EVPL: variants seen among roughly 807,000 people sequenced by gnomAD.
The protein encoded by EVPL is 210 kDa cornified envelope precursor protein.
In EVPL, 94 loss-of-function variants were observed where a neutral mutation model predicts 129.7. That is an observed-to-expected ratio of 0.72 (90% CI 0.61 to 0.86). The LOEUF (loss-of-function observed/expected upper bound fraction) is 0.86, where lower values mean the gene tolerates loss of function less well. Among genes scored for constraint, EVPL ranks in the 40% least tolerant of loss-of-function variants. EVPL has a pLI of 0.00. For synonymous variants in EVPL, 1,172 were observed against 1,191.1 expected, an observed-to-expected ratio of 0.98 and a Z score of 0.33; for missense variants, 2,625 against 2,721.1, an observed-to-expected ratio of 0.96 and a Z score of 0.79.
At position 76,015,244 on chromosome 17, in the gene EVPL, T is replaced by C; in HGVS notation, c.2011A>G (p.Arg671Gly). The change falls in exon 16 of 22, where the codon AGG (arginine) becomes GGG (glycine). Residue 671 changes from arginine (R) to glycine (G), a missense_variant. Coordinates refer to ENST00000301607, the MANE Select transcript of EVPL (RefSeq NM_001988.4). ...IPAEPGALQE[R>G]VSELQRQRRE... ...TCCCTTACCTGCAGCTCGCTGACCC[T>C]CTCCTGCAGAGCCCCCGGTTCAGCA... 6.3e-7 allele frequency: 1 copy of C among 1,597,822 alleles called. No individual in the cohort carries two copies. Among genetic ancestry groups the C allele is most frequent in the Admixed American group, 1.7e-5 (1 of 59,160 alleles).
At position 76,008,228 on chromosome 17, in the gene EVPL, G is replaced by T. The variant is rs1377576600; in HGVS notation, c.4977C>A (p.Leu1659=). ...GGCTCACCTTGGCGTGGAGGTCCCG[G>T]AGCGTCCGCTCCTTCTCGTAGATCT... is the stretch of plus-strand genomic sequence containing the variant. ...KDQIYEKERT[L]RDLHAKVSRE... Residue 1659 remains leucine (L), a synonymous_variant, in exon 22 of 22, where the codon CTC becomes CTA. Coordinates refer to ENST00000301607, the MANE Select transcript of EVPL (RefSeq NM_001988.4). The surrounding 1 kb of genome is among the most constrained non-coding windows in gnomAD (Gnocchi z 7.4). 1.9e-6 allele frequency: 3 copies of T among 1,613,856 alleles called. No homozygotes were observed. Among genetic ancestry groups the T allele is most frequent in the East Asian group, 2.2e-5 (1 of 44,898 alleles).
At chr17:76,027,055 AC>A (rs1436635224) in intron 1 of EVPL, 45 bp downstream of exon 1, 12 of 1,161,722 alleles carry the variant, frequency 1.0e-5, no homozygotes, top group Admixed American at 3.0e-5. Flanking sequence ...GCCTGGCACC[AC>A]CCCCACCCCA....
rs138670795 is a variant in EVPL, at chr17:76,007,795, G to A, written c.5410C>T (p.Pro1804Ser). Reference sequence around the variant, plus strand: ...AAGAAACTGGTGCTCTGGGGGGCCGGGGAGGCGAGCGGGGACTTGGAGATG... The same window carrying A: ...AAGAAACTGGTGCTCTGGGGGGCCGAGGAGGCGAGCGGGGACTTGGAGATG... ...SIISKSPLAS[P>S]APQSTSFFSP... is the part of the protein sequence containing the mutation. The change falls in exon 22 of 22, where the codon CCG becomes TCG. Residue 1804 changes from proline (P) to serine (S), a missense_variant. Transcript: ENST00000301607. This position sits in a 1 kb window ranked among gnomAD's most constrained non-coding sequence, Gnocchi z 8.8. 1.2e-6 allele frequency: 2 copies of A among 1,611,748 alleles called. No individual in the cohort carries two copies. Among genetic ancestry groups the A allele is most frequent in the Admixed American group, 3.3e-5 (2 of 59,956 alleles).
rs781063156 is a variant in EVPL at position 76,023,368 on chromosome 17, G to T, written c.404C>A (p.Ala135Asp). Residue 135 changes from alanine (A) to aspartate (D), a missense_variant, in exon 4 of 22, where the codon GCC becomes GAC. This residue lies in a region of EVPL where 139 missense variants were observed against 186.8 expected (regional missense o/e 0.74). Coordinates refer to ENST00000301607, the MANE Select transcript of EVPL (RefSeq NM_001988.4). ...GGGCAGCACCATCTTCTCGTACAGG[G>T]CACGGTACTCCGCACACTCCTGGGT... ...RVTQECAEYR[A>D]LYEKMVLPPD... The T allele has an allele frequency of 3.1e-6, 5 of 1,613,906 alleles. No individual in the cohort carries two copies. Among genetic ancestry groups the T allele is most frequent in the Non-Finnish European group, 4.2e-6 (5 of 1,180,018 alleles).
rs773557711 is a variant in EVPL at position 76,022,667 on chromosome 17, G to A, written c.481-129C>T. The A allele has an allele frequency of 3.9e-6, 5 of 1,288,046 alleles. No homozygotes were observed. Among genetic ancestry groups the A allele is most frequent in the East Asian group, 2.5e-5 (1 of 39,340 alleles). 79.8% of individuals were successfully genotyped at this position (1,288,046 alleles called of 1,614,324 possible). ...GCGTGGACGAGCCTGGGAGCAGCCC[G>A]GGTGCATGCCCTGCAGCTCCCCCAG... On this transcript the variant is annotated intron_variant, in intron 4 of 21. Coordinates refer to ENST00000301607, the MANE Select transcript of EVPL (RefSeq NM_001988.4). This position sits in a 1 kb window ranked among gnomAD's most constrained non-coding sequence, Gnocchi z 5.6.
At chr17:76,012,742 C>CTTTTTTTT (rs56349197) in intron 18 of EVPL, among the ~76,000 whole-genome samples, 3 of 117,536 alleles carry the variant, frequency 2.6e-5, no homozygotes, top group African/African-American at 6.5e-5. Context: ...TCTTTCTTTT[C>CTTTTTTTT]TTTTTTTTTT....
At position 76,010,418 on chromosome 17, in the gene EVPL, G is replaced by C. The variant is rs960264790; in HGVS notation, c.2787C>G (p.Ala929=). 6.2e-7 allele frequency: 1 copy of C among 1,613,882 alleles called. No individual in the cohort carries two copies. Among genetic ancestry groups the C allele is most frequent in the Admixed American group, 1.7e-5 (1 of 60,004 alleles). The change falls in exon 22 of 22, where the codon GCC becomes GCG. Residue 929 remains alanine, a synonymous_variant. Coordinates refer to ENST00000301607, the MANE Select transcript of EVPL (RefSeq NM_001988.4). ...GCGCCTCCAGCTCATGCTGCACCCG[G>C]GCCACCCGCTTCCTCTCCTCTTCCA... ...AQLEEERKRV[A]RVQHELEAQR... is the part of the protein sequence containing the mutation.
Position 76,008,528 on chromosome 17 carries a change from G to A in EVPL, c.4677C>T (p.Arg1559=). The change falls in exon 22 of 22, where the codon CGC becomes CGT. Residue 1559 remains arginine, a synonymous_variant. Transcript: ENST00000301607. This position sits in a 1 kb window ranked among gnomAD's most constrained non-coding sequence, Gnocchi z 7.4. ...ARQAREEEAR[R]LRERIDRAET... ...CGGCCCGGTCAATGCGCTCCCGCAG[G>A]CGCCGTGCCTCCTCCTCCCGGGCCT... 1 of 1,606,720 alleles carries A rather than the reference G, an allele frequency of 6.2e-7. No individual in the cohort carries two copies. Among genetic ancestry groups the A allele is most frequent in the African/African-American group, 1.3e-5 (1 of 75,020 alleles).
Position 76,009,877 on chromosome 17 carries a change from C to T in EVPL, c.3328G>A (p.Glu1110Lys). 1.2e-6 allele frequency: 2 copies of T among 1,614,148 alleles called. No individual in the cohort carries two copies. The highest frequency in any genetic ancestry group is 2.2e-5 in the East Asian group (1 of 44,878). Residue 1110 changes from glutamate to lysine, a missense_variant, in exon 22 of 22, where the codon GAG (glutamate) becomes AAG (lysine). By Grantham distance (56) the Glu-to-Lys change is moderately conservative. This residue lies in a region of EVPL where 1,453 missense variants were observed against 1,511.8 expected (regional missense o/e 0.96). Transcript: ENST00000301607. The surrounding 1 kb of genome is among the most constrained non-coding windows in gnomAD (Gnocchi z 5.9). ...EEDAARRKQA[E>K]EAVAKLQARI... Reference sequence around the variant, plus strand: ...GCCTGTAGCTTGGCCACAGCCTCCTCCGCCTGCTTCCTCCGCGCAGCATCC... The same window carrying T: ...GCCTGTAGCTTGGCCACAGCCTCCTTCGCCTGCTTCCTCCGCGCAGCATCC...
chr17:76,014,982 C>T lies in EVPL; in HGVS notation c.2156G>A (p.Arg719His), dbSNP rs138500351. 17 of 1,596,682 alleles carry T rather than the reference C, an allele frequency of 1.1e-5. No individual in the cohort carries two copies. The highest frequency in any genetic ancestry group is 4.5e-5 in the East Asian group (2 of 44,678). Residue 719 changes from arginine (R) to histidine (H), a missense_variant, in exon 17 of 22, where the codon CGC (arginine) becomes CAC (histidine). By Grantham distance (29) the Arg-to-His change is conservative. Transcript: ENST00000301607. ...GAGGGCTCGCACCTGGCGCTGCTGG[C>T]GAGGCAGGTCTTGGCAGAACTCCTG... ...NFQEFCQDLP[R>H]QQRQVRALTD...
In EVPL at chr17:76,008,900, C is replaced by T; in HGVS notation, c.4305G>A (p.Val1435=). The T allele has an allele frequency of 6.2e-7, 1 of 1,613,750 alleles. No individual in the cohort carries two copies. Among genetic ancestry groups the T allele is most frequent in the Non-Finnish European group, 8.5e-7 (1 of 1,180,030 alleles). The change falls in exon 22 of 22, where the codon GTG becomes GTA. Residue 1435 remains valine, a synonymous_variant. Coordinates refer to ENST00000301607, the MANE Select transcript of EVPL (RefSeq NM_001988.4). The surrounding 1 kb of genome is among the most constrained non-coding windows in gnomAD (Gnocchi z 7.4). ...AGGTCAGCTGCCGCAGCTCCCTCTC[C>T]ACGGCCAGCTTCTTGCTGCGGTCCT... ...FQEDRSKKLA[V]ERELRQLTLR...
intron 13 of EVPL, 73 bp downstream of exon 13, chr17:76,018,088 C>T: frequency 1.3e-6 from 2 of 1,544,218 alleles, no homozygotes; most frequent in Non-Finnish European, 1.7e-6. Flanking sequence ...CCCTGCCCAT[C>T]ACAGACCAGT....
At position 76,019,627 on chromosome 17, in the gene EVPL, G is replaced by T; in HGVS notation, c.1038C>A (p.Ser346Arg). The stretch of plus-strand genomic sequence containing the variant: ...TGGAGTTGAGCTTCGCCAGGGTCTG[G>T]CTGACTGAGTCGGCCTCTTCCTGGA... ...RRFQEEADSV[S>R]QTLAKLNSNL... Residue 346 changes from serine (S) to arginine (R), a missense_variant, in exon 10 of 22, where the codon AGC (serine) becomes AGA (arginine). Around this residue, in one of 4 missense-constraint regions of EVPL, gnomAD observed 1,024 missense variants for 997.5 expected, o/e 1.03. Transcript: ENST00000301607. 7 of 1,610,672 alleles carry T rather than the reference G, an allele frequency of 4.3e-6. No homozygotes were observed. Among genetic ancestry groups the T allele is most frequent in the Non-Finnish European group, 5.9e-6 (7 of 1,178,492 alleles).
chr17:76,022,642 G>C lies in EVPL; in HGVS notation c.481-104C>G. On this transcript the variant is annotated intron_variant, in intron 4 of 21. Coordinates refer to ENST00000301607, the MANE Select transcript of EVPL (RefSeq NM_001988.4). The surrounding 1 kb of genome is among the most constrained non-coding windows in gnomAD (Gnocchi z 5.6). Reference sequence around the variant, plus strand: ...AAGTGGACTTGGTCATTTGGGCAGAGCGTGGACGAGCCTGGGAGCAGCCCG... The same window carrying C: ...AAGTGGACTTGGTCATTTGGGCAGACCGTGGACGAGCCTGGGAGCAGCCCG... 6.9e-7 allele frequency: 1 copy of C among 1,446,598 alleles called. No homozygotes were observed. The highest frequency in any genetic ancestry group is 9.2e-7 in the Non-Finnish European group (1 of 1,089,378). 89.6% of individuals were successfully genotyped at this position (1,446,598 alleles called of 1,614,324 possible). A position where few individuals can be genotyped will look rare whatever the true frequency, so the allele number is the denominator to read the frequency against.
At chr17:76,014,801 GAGGAAAC>G in intron 17 of EVPL, 108 bp downstream of exon 17, 1 of 1,211,534 alleles carries the variant, frequency 8.3e-7, no homozygotes, top group Non-Finnish European at 1.1e-6. Flanking sequence ...TTTTAGAGAT[GAGGAAAC>G]AGCTTCAGAG....
rs746187303 is a variant in EVPL at position 76,009,354 on chromosome 17, T to G, written c.3851A>C (p.His1284Pro). The change falls in exon 22 of 22, where the codon CAC becomes CCC. Residue 1284 changes from histidine to proline, a missense_variant. Physicochemically the swap from His to Pro is moderately conservative, Grantham distance 77. Around this residue, in one of 4 missense-constraint regions of EVPL, gnomAD observed 1,453 missense variants for 1,511.8 expected, o/e 0.96. Transcript: ENST00000301607. This position sits in a 1 kb window ranked among gnomAD's most constrained non-coding sequence, Gnocchi z 5.9. ...KAQLNELVNS[H>P]GRSQEQLIRL... ...GATGAGCTGCTCCTGGGAGCGCCCG[T>G]GGCTGTTGACGAGCTCGTTGAGCTG... The G allele has an allele frequency of 9.3e-6, 15 of 1,613,248 alleles. No homozygotes were observed. Among genetic ancestry groups the G allele is most frequent in the Middle Eastern group, 3.3e-4 (2 of 6,084 alleles).
In EVPL at chr17:76,018,902, G is replaced by A; in HGVS notation, c.1284+12C>T. 6.6e-7 allele frequency: 1 copy of A among 1,517,392 alleles called. No homozygotes were observed. Among genetic ancestry groups the A allele is most frequent in the Non-Finnish European group, 8.8e-7 (1 of 1,133,930 alleles). 94.0% of individuals were successfully genotyped at this position (1,517,392 alleles called of 1,614,324 possible). A position where few individuals can be genotyped will look rare whatever the true frequency, so the allele number is the denominator to read the frequency against. The stretch of plus-strand genomic sequence containing the variant: ...CTGGATGGTGGCAGGGGTGAGGTGG[G>A]GGAGTTCGCACTTCTCCTGAGTCCC... On this transcript the variant is annotated intron_variant, in intron 11 of 21. Transcript: ENST00000301607.
Position 76,008,900 on chromosome 17 carries a change from C to G in EVPL, c.4305G>C (p.Val1435=), listed in dbSNP as rs2066348189. 1 of 1,613,750 alleles carries G rather than the reference C, an allele frequency of 6.2e-7. No homozygotes were observed. The highest frequency in any genetic ancestry group is 1.3e-5 in the African/African-American group (1 of 75,056). Residue 1435 remains valine (V), a synonymous_variant, in exon 22 of 22, where the codon GTG becomes GTC. Coordinates refer to ENST00000301607, the MANE Select transcript of EVPL (RefSeq NM_001988.4). The surrounding 1 kb of genome is among the most constrained non-coding windows in gnomAD (Gnocchi z 7.4). The part of the protein sequence containing the change: ...FQEDRSKKLA[V]ERELRQLTLR... Reference sequence around the variant, plus strand: ...AGGTCAGCTGCCGCAGCTCCCTCTCCACGGCCAGCTTCTTGCTGCGGTCCT... The same window carrying G: ...AGGTCAGCTGCCGCAGCTCCCTCTCGACGGCCAGCTTCTTGCTGCGGTCCT...
intron 1 of EVPL, among the ~76,000 whole-genome samples, chr17:76,025,430 C>T (rs1327697654): frequency 1.3e-5 from 2 of 152,166 alleles, no homozygotes; most frequent in Admixed American, 1.3e-4. Context: ...GGAGAGCCAA[C>T]AGGGCCCTGA....
Sources: allele counts gnomAD v4.1 joint callset (sites outside exome capture counted in the v4.1 genomes callset), GRCh38; gene constraint gnomAD v4.1.1; regional missense constraint gnomAD v4.1.1; non-coding constraint Gnocchi (gnomAD v3.1); transcripts MANE v1.5; gene names NCBI Gene and HGNC (gene_info 2026-07-23, HGNC 2026-07-21).